Variants in DNHD1 observed in about 807,000 individuals in gnomAD.
DNHD1 encodes dynein heavy chain domain 1.
In DNHD1, 383 loss-of-function variants were observed where a neutral mutation model predicts 458.1. That is an observed-to-expected ratio of 0.84 (90% CI 0.77 to 0.91). The LOEUF is 0.91. Among genes scored for constraint, DNHD1 ranks in the 40% least tolerant of loss-of-function variants. The probability of loss-of-function intolerance (pLI) is 0.00; values close to 1 mark genes in which losing one functional copy is unlikely to be tolerated. For missense variants in DNHD1, 5,336 were observed against 5,866.1 expected (o/e 0.91, Z 2.95); for synonymous variants, 2,203 against 2,376.9 (o/e 0.93, Z 2.13).
rs1853507730 is a variant in DNHD1, at chr11:6,558,116, G to T, written c.8821G>T (p.Val2941Leu). 6.4e-7 allele frequency: 1 copy of T among 1,551,762 alleles called. No individual in the cohort carries two copies. Among genetic ancestry groups the T allele is most frequent in the African/African-American group, 1.4e-5 (1 of 73,176 alleles). ...GCATGCTGGCATGTTAAGCCAGCCA[G>T]TGGCTCTGTTGGTACCCAGTGGTGT... is the stretch of plus-strand genomic sequence containing the variant. The part of the protein sequence containing the change: ...SWHAGMLSQP[V>L]ALLVPSGVDL... The change falls in exon 25 of 43, where the codon GTG (valine) becomes TTG (leucine). Residue 2941 changes from valine (V) to leucine (L), a missense_variant. This residue lies in a region of DNHD1 where 3,932 missense variants were observed against 4,365.6 expected (regional missense o/e 0.90). Coordinates refer to ENST00000254579, the MANE Select transcript of DNHD1 (RefSeq NM_144666.3).
intron 40 of DNHD1, 45 bp from the exon 41 acceptor site, chr11:6,570,202 G>A: frequency 6.2e-7 from 1 of 1,613,728 alleles, no homozygotes; most frequent in Non-Finnish European, 8.5e-7. Context: ...GGCGGTGGTG[G>A]AAACTGAAGG....
chr11:6,571,689 G>A lies in DNHD1; in HGVS notation c.13965G>A (p.Gly4655=). Residue 4655 remains glycine (G), a synonymous_variant, in exon 43 of 43, where the codon GGG becomes GGA. Transcript: ENST00000254579. This position sits in a 1 kb window ranked among gnomAD's most constrained non-coding sequence, Gnocchi z 5.0. ...TVPERGLLLI[G]LQVLHAEWDP... ...CAGAGAGAGGGCTGCTGCTGATCGG[G>A]CTACAGGTCCTACATGCGGAGTGGG... The A allele has an allele frequency of 6.2e-7, 1 of 1,611,098 alleles. No individual in the cohort carries two copies. Among genetic ancestry groups the A allele is most frequent in the Non-Finnish European group, 8.5e-7 (1 of 1,178,686 alleles).
chr11:6,564,146 G>T, intron 31 of DNHD1, 22 bp downstream of exon 31: 1 of 1,543,818 alleles, frequency 6.5e-7, no homozygotes, highest in Non-Finnish European at 8.8e-7. Flanking sequence ...CCTCCCAGAT[G>T]TCTCCCCCAA....
Position 6,558,058 on chromosome 11 carries a change from G to A in DNHD1, c.8763G>A (p.Glu2921=), listed in dbSNP as rs372037618. The A allele has an allele frequency of 1.9e-6, 3 of 1,551,746 alleles. No individual in the cohort carries two copies. The highest frequency in any genetic ancestry group is 2.0e-5 in the Admixed American group (1 of 51,004). ...TTCATCTACCATCTGGGTCAGAGGA[G>A]GCCATTCTCCAATGTCTACGAGATG... is the stretch of plus-strand genomic sequence containing the variant. ...HFFHLPSGSE[E]AILQCLRDAS... The change falls in exon 25 of 43, where the codon GAG becomes GAA. Residue 2921 remains glutamate, a synonymous_variant. Coordinates refer to ENST00000254579, the MANE Select transcript of DNHD1 (RefSeq NM_144666.3).
Position 6,519,920 on chromosome 11 carries a change from A to C in DNHD1, c.1648-45A>C, listed in dbSNP as rs369968188. On this transcript the variant is annotated intron_variant, in intron 8 of 42. Coordinates refer to ENST00000254579, the MANE Select transcript of DNHD1 (RefSeq NM_144666.3). ...CAGGGCCAGATGCTGAGGAATGTAT[A>C]CTGACATCTAGCCCCTCGACCTTTC... The C allele has an allele frequency of 7.4e-6, 12 of 1,613,302 alleles. No homozygotes were observed. In the African/African-American group the frequency reaches 1.2e-4, roughly 16 times the overall value.
At chr11:6,520,633 G>A (rs1478774121) in intron 10 of DNHD1, 27 of 1,122,170 alleles carry the variant, frequency 2.4e-5, no homozygotes, top group Non-Finnish European at 3.0e-5. Context: ...TTATTGCTAA[G>A]TAAATTTGTA....
At chr11:6,556,648 T>C (rs1043523814) in intron 24 of DNHD1, 35 bp from the exon 25 acceptor site, 1 of 1,501,674 alleles carries the variant, frequency 6.7e-7, no homozygotes, top group Non-Finnish European at 8.9e-7. Context: ...TGTGGACTTT[T>C]ACATGTCCTC....
At chr11:6,537,690 T>C (rs1367968436) in intron 14 of DNHD1, among the ~76,000 whole-genome samples, 1 of 152,174 alleles carries the variant, frequency 6.6e-6, no homozygotes, top group African/African-American at 2.4e-5. Context: ...CCCAGCACTT[T>C]GGGAGGCCGA....
chr11:6,564,893 C>G, intron 32 of DNHD1, 89 bp downstream of exon 32: 1 of 1,141,502 alleles, frequency 8.8e-7, no homozygotes, highest in Non-Finnish European at 1.2e-6. Flanking sequence ...ATAATGAGGA[C>G]ACTGTATTTT....
At position 6,571,561 on chromosome 11, in the gene DNHD1, A is replaced by T. The variant is rs1853852655; in HGVS notation, c.13912-75A>T. On this transcript the variant is annotated intron_variant, in intron 42 of 42. Transcript: ENST00000254579. The surrounding 1 kb of genome is among the most constrained non-coding windows in gnomAD (Gnocchi z 5.0). Reference sequence around the variant, plus strand: ...CGATCTCGCTTCACCACGACCTCCTACCCGCTAACCCCCACTTCCCACCTG... The same window carrying T: ...CGATCTCGCTTCACCACGACCTCCTTCCCGCTAACCCCCACTTCCCACCTG... The T allele has an allele frequency of 6.8e-7, 1 of 1,461,214 alleles. No individual in the cohort carries two copies. Among genetic ancestry groups the T allele is most frequent in the Non-Finnish European group, 9.1e-7 (1 of 1,095,228 alleles). 90.5% of individuals were successfully genotyped at this position (1,461,214 alleles called of 1,614,324 possible).
chr11:6,571,806 T>C lies in DNHD1; in HGVS notation c.14082T>C (p.Ser4694=). 3 of 1,613,934 alleles carry C rather than the reference T, an allele frequency of 1.9e-6. No homozygotes were observed. Among genetic ancestry groups the C allele is most frequent in the Non-Finnish European group, 2.5e-6 (3 of 1,179,870 alleles). ...TCAGCACACAGGCCCCGGGCACCAG[T>C]GACCTGCCAGCCCCAGCCGACCTGA... ...VSISTQAPGT[S]DLPAPADLTV... The change falls in exon 43 of 43, where the codon AGT becomes AGC. Residue 4694 remains serine (S), a synonymous_variant. Transcript: ENST00000254579. This position sits in a 1 kb window ranked among gnomAD's most constrained non-coding sequence, Gnocchi z 5.0.
In DNHD1 at chr11:6,540,098, T is replaced by C. The variant is rs1853066532; in HGVS notation, c.3628+15T>C. On this transcript the variant is annotated intron_variant, in intron 18 of 42. Transcript: ENST00000254579. Reference sequence around the variant, plus strand: ...CATCCTCTCAGGTGAGACCCAGACCTTGTGACCTAGTGAAAGCCCCCTGCT... The same window carrying C: ...CATCCTCTCAGGTGAGACCCAGACCCTGTGACCTAGTGAAAGCCCCCTGCT... 1.3e-6 allele frequency: 2 copies of C among 1,549,022 alleles called. No homozygotes were observed. Among genetic ancestry groups the C allele is most frequent in the African/African-American group, 1.4e-5 (1 of 73,094 alleles).
chr11:6,547,782 A>G (rs1853255702), intron 21 of DNHD1, 81 bp from the exon 22 acceptor site: 1 of 1,525,270 alleles, frequency 6.6e-7, no homozygotes, highest in African/African-American at 1.4e-5. Context: ...GTGAAAAGTA[A>G]TACTGTCAAC....
rs547012658 is a variant in DNHD1 at position 6,563,732 on chromosome 11, G to A, written c.9892G>A (p.Glu3298Lys). 9 of 1,549,356 alleles carry A rather than the reference G, an allele frequency of 5.8e-6. No homozygotes were observed. The highest frequency in any genetic ancestry group is 2.4e-5 in the East Asian group (1 of 40,856). Reference sequence around the variant, plus strand: ...CCCCAAGGAGAAGATAACAGACTCAGAGCTGATAAAGTTACATCTAATTCT... The same window carrying A: ...CCCCAAGGAGAAGATAACAGACTCAAAGCTGATAAAGTTACATCTAATTCT... The part of the protein sequence containing the change: ...FFPKEKITDS[E>K]LIKLHLILKA... Residue 3298 changes from glutamate to lysine, a missense_variant, in exon 31 of 43, where the codon GAG becomes AAG. This residue lies in a region of DNHD1 where 3,932 missense variants were observed against 4,365.6 expected (regional missense o/e 0.90). Transcript: ENST00000254579.
intron 10 of DNHD1, among the ~76,000 whole-genome samples, chr11:6,523,515 A>G (rs563452648): frequency 2.5e-4 from 38 of 152,330 alleles, no homozygotes; most frequent in African/African-American, 8.4e-4. Flanking sequence ...CACTCATTCA[A>G]GGAAACCTAT....
chr11:6,502,389 G>A (rs1458231929), intron 3 of DNHD1, among the ~76,000 whole-genome samples: 2 of 152,162 alleles, frequency 1.3e-5, no homozygotes, highest in Non-Finnish European at 2.9e-5. Flanking sequence ...AGTACTGTGG[G>A]CTTACAGAGC....
chr11:6,508,541 AT>A (rs1852271142), intron 4 of DNHD1: 1 of 207,206 alleles, frequency 4.8e-6, no homozygotes, highest in African/African-American at 2.3e-5. Flanking sequence ...TATTAGAAGC[AT>A]TTTTATCTTA....
chr11:6,562,850 G>A, intron 28 of DNHD1, 132 bp from the exon 29 acceptor site: 1 of 1,010,494 alleles, frequency 9.9e-7, no homozygotes, highest in Non-Finnish European at 1.4e-6. Context: ...CTCTCTCTGT[G>A]GCCTACTTGG....
Position 6,571,671 on chromosome 11 carries a change from A to G in DNHD1, c.13947A>G (p.Arg4649=). ...ENGPNPTVPE[R]GLLLIGLQVL... is the part of the protein sequence containing the mutation. ...GTCCAAATCCCACGGTTCCAGAGAG[A>G]GGGCTGCTGCTGATCGGGCTACAGG... Residue 4649 remains arginine (R), a synonymous_variant, in exon 43 of 43, where the codon AGA becomes AGG. Transcript: ENST00000254579. This position sits in a 1 kb window ranked among gnomAD's most constrained non-coding sequence, Gnocchi z 5.0. The G allele has an allele frequency of 6.2e-7, 1 of 1,606,662 alleles. No homozygotes were observed. Among genetic ancestry groups the G allele is most frequent in the Non-Finnish European group, 8.5e-7 (1 of 1,176,288 alleles).
Sources: gnomAD v4.1 joint callset for allele counts (sites outside exome capture counted in the v4.1 genomes callset) on GRCh38, gnomAD v4.1.1 for gene constraint, gnomAD v4.1.1 regional missense constraint, Gnocchi (gnomAD v3.1) non-coding constraint, MANE v1.5 for transcripts, NCBI Gene and HGNC (gene_info 2026-07-23, HGNC 2026-07-21) for gene names.